Variants in NMNAT2 observed in about 807,000 individuals in gnomAD.
The protein encoded by NMNAT2 is nicotinamide nucleotide adenylyltransferase 2.
In NMNAT2, 11 loss-of-function variants were observed where a neutral mutation model predicts 41.6. The ratio of observed to expected loss-of-function variants is 0.26; its 90% CI spans 0.17 to 0.44. The LOEUF (loss-of-function observed/expected upper bound fraction) is 0.44. NMNAT2 is among the 20% of genes least tolerant of loss of function. The probability of loss-of-function intolerance (pLI) is 1.00; values close to 1 mark genes in which losing one functional copy is unlikely to be tolerated. For missense variants in NMNAT2, 288 were observed against 407.7 expected, an observed-to-expected ratio of 0.71 and a Z score of 2.53; for synonymous variants, 148 against 151.2, an observed-to-expected ratio of 0.98 and a Z score of 0.16.
rs1660341421 is a variant in NMNAT2, at chr1:183,250,283, C to CG, written c.*2357_*2358insC. On this transcript the variant is annotated 3_prime_UTR_variant, in exon 11 of 11. Coordinates refer to ENST00000287713, the MANE Select transcript of NMNAT2 (RefSeq NM_015039.4). ...TCTTCCTTCACCTTCCACAAAGCAA[C>CG]TCTTTCTTGGATTGATGGAGTCCGC... 2 of 152,274 alleles carry CG rather than the reference C, an allele frequency of 1.3e-5. No individual in the cohort carries two copies. Among genetic ancestry groups the CG allele is most frequent in the Non-Finnish European group, 2.9e-5 (2 of 68,100 alleles). 9.4% of individuals were successfully genotyped at this position (152,274 alleles called of 1,614,324 possible).
At chr1:183,320,430 C>T (rs1662335460) in intron 1 of NMNAT2, among the ~76,000 whole-genome samples, 1 of 151,956 alleles carries the variant, frequency 6.6e-6, no homozygotes, top group Non-Finnish European at 1.5e-5. Context: ...GTGGTGAAAC[C>T]CCTGTCTCTA....
chr1:183,403,513 T>A (rs1023376325), intron 1 of NMNAT2, among the ~76,000 whole-genome samples: 2 of 149,088 alleles, frequency 1.3e-5, no homozygotes, highest in African/African-American at 4.9e-5. Context: ...GAGACTGTCC[T>A]TACCCACCTC....
intron 1 of NMNAT2, among the ~76,000 whole-genome samples, chr1:183,410,597 A>G (rs527270286): frequency 4.4e-4 from 67 of 151,614 alleles, no homozygotes; most frequent in African/African-American, 1.5e-3. Context: ...CCCCCTTCCA[A>G]CCTGTTTTCT....
chr1:183,258,143 G>A (rs910391944), intron 10 of NMNAT2, among the ~76,000 whole-genome samples: 14 of 152,142 alleles, frequency 9.2e-5, no homozygotes, highest in African/African-American at 3.4e-4. Context: ...CAGGTATAAA[G>A]GACTCCAGTG....
intron 1 of NMNAT2, among the ~76,000 whole-genome samples, chr1:183,382,755 C>A (rs962752948): frequency 6.6e-6 from 1 of 152,142 alleles, no homozygotes; most frequent in Non-Finnish European, 1.5e-5. Flanking sequence ...TCCAGCCCAC[C>A]CATCAGTAAG....
Position 183,389,808 on chromosome 1 carries a change from G to T in NMNAT2, c.85+28375C>A, listed in dbSNP as rs538256678. 6.3e-4 allele frequency among the ~76,000 whole-genome samples: 39 copies of T among 61,616 alleles called. 2 individuals carry two copies. The highest frequency in any genetic ancestry group is 1.1e-3 in the Non-Finnish European group (34 of 30,798). 40.4% of individuals were successfully genotyped at this position (61,616 alleles called of 152,430 possible). A position where few individuals can be genotyped will look rare whatever the true frequency, so the allele number is the denominator to read the frequency against. On this transcript the variant is annotated intron_variant, in intron 1 of 10. Transcript: ENST00000287713. ...AGAAAGAAAGAAAGAAAGAAAGAAA[G>T]AAAGAAAGAAAGAAAGAAAGAAAGA...
At chr1:183,263,126 C>T (rs769446749) in intron 8 of NMNAT2, among the ~76,000 whole-genome samples, 6 of 152,172 alleles carry the variant, frequency 3.9e-5, no homozygotes, top group Non-Finnish European at 5.9e-5. Flanking sequence ...ACAACTGGAC[C>T]TAAACTTGCA....
intron 1 of NMNAT2, among the ~76,000 whole-genome samples, chr1:183,360,411 C>T (rs1012830967): frequency 1.6e-4 from 24 of 152,104 alleles, no homozygotes; most frequent in Non-Finnish European, 3.4e-4. Flanking sequence ...CTACTCACCT[C>T]TTCATCTTCC....
intron 1 of NMNAT2, among the ~76,000 whole-genome samples, chr1:183,312,675 T>C (rs1391153901): frequency 6.6e-6 from 1 of 152,172 alleles, no homozygotes. Flanking sequence ...GCCTGCTAAA[T>C]AGGATTTTCC....
At chr1:183,402,490 T>C (rs1460344783) in intron 1 of NMNAT2, among the ~76,000 whole-genome samples, 1 of 152,218 alleles carries the variant, frequency 6.6e-6, no homozygotes. Flanking sequence ...CACTTCAGAA[T>C]ACTGACTTCC....
intron 1 of NMNAT2, among the ~76,000 whole-genome samples, chr1:183,392,047 T>C (rs938241758): frequency 1.3e-5 from 2 of 152,264 alleles, no homozygotes; most frequent in Non-Finnish European, 2.9e-5. Context: ...ATACCAACTC[T>C]ATGCTGATGC....
At chr1:183,381,551 G>T (rs1663803314) in intron 1 of NMNAT2, among the ~76,000 whole-genome samples, 1 of 152,038 alleles carries the variant, frequency 6.6e-6, no homozygotes, top group South Asian at 2.1e-4. Context: ...CAAAAAATTA[G>T]CTGGGTGTGG....
chr1:183,258,832 C>T (rs61809154), intron 10 of NMNAT2, among the ~76,000 whole-genome samples: 1 of 152,130 alleles, frequency 6.6e-6, no homozygotes, highest in Non-Finnish European at 1.5e-5. Flanking sequence ...AGCTTCGACT[C>T]CCTGTGATTT....
rs36111392 is a variant in NMNAT2, at chr1:183,342,899, A to AATTATT, written c.86-49112_86-49107dup. 9.1e-3 allele frequency among the ~76,000 whole-genome samples: 1,328 copies of AATTATT among 145,822 alleles called. 11 individuals carry two copies. Among genetic ancestry groups the AATTATT allele is most frequent in the African/African-American group, 0.02 (793 of 39,222 alleles). On this transcript the variant is annotated intron_variant, in intron 1 of 10. Coordinates refer to ENST00000287713, the MANE Select transcript of NMNAT2 (RefSeq NM_015039.4). The stretch of plus-strand genomic sequence containing the variant: ...CAGACATGTTCCATCATGACTGGCT[A>AATTATT]ATTATTATTATTATTATTATTATTA...
At chr1:183,287,998 C>A (rs922329602) in intron 4 of NMNAT2, among the ~76,000 whole-genome samples, 1 of 152,142 alleles carries the variant, frequency 6.6e-6, no homozygotes, top group East Asian at 1.9e-4. Flanking sequence ...GTGGGTACCA[C>A]GGGATCTTTT....
intron 1 of NMNAT2, among the ~76,000 whole-genome samples, chr1:183,330,305 T>G (rs1249025129): frequency 2.6e-5 from 4 of 152,192 alleles, no homozygotes; most frequent in African/African-American, 9.7e-5. Context: ...GTAAATAAAA[T>G]CAAGCAGTCT....
intron 4 of NMNAT2, among the ~76,000 whole-genome samples, chr1:183,287,921 C>A (rs959268266): frequency 6.6e-6 from 1 of 152,160 alleles, no homozygotes; most frequent in South Asian, 2.1e-4. Flanking sequence ...TGTGGGGTAA[C>A]CTGTCACCTT....
At position 183,283,871 on chromosome 1, in the gene NMNAT2, G is replaced by T. The variant is rs749148066; in HGVS notation, c.574+124C>A. The T allele has an allele frequency of 3.3e-6, 3 of 895,526 alleles. No individual in the cohort carries two copies. In the South Asian group the frequency reaches 4.0e-5, roughly 12 times the overall value. 55.5% of individuals were successfully genotyped at this position (895,526 alleles called of 1,614,324 possible). ...TTAGCCTGGGAACGATCCCTCTTCC[G>T]AGAGGAGACCCTGCTGCAAAACAGT... On this transcript the variant is annotated intron_variant, in intron 7 of 10. Coordinates refer to ENST00000287713, the MANE Select transcript of NMNAT2 (RefSeq NM_015039.4).
At chr1:183,361,462 A>T (rs1663305825) in intron 1 of NMNAT2, among the ~76,000 whole-genome samples, 1 of 152,226 alleles carries the variant, frequency 6.6e-6, no homozygotes, top group Admixed American at 6.5e-5. Flanking sequence ...TGTAAAATGA[A>T]AAGACTAATA....
Sources: allele counts gnomAD v4.1 joint callset (sites outside exome capture counted in the v4.1 genomes callset), GRCh38; gene constraint gnomAD v4.1.1; transcripts MANE v1.5; gene names NCBI Gene and HGNC (gene_info 2026-07-23, HGNC 2026-07-21).